The following PFKM variants were observed in gnomAD, a reference collection of about 807,000 sequenced individuals.
The protein encoded by PFKM is ATP-dependent 6-phosphofructokinase, muscle type.
In PFKM, 58 loss-of-function variants were observed where a neutral mutation model predicts 95.5. The observed-to-expected ratio is 0.61, with a 90% confidence interval of 0.49 to 0.76. The LOEUF (loss-of-function observed/expected upper bound fraction) is 0.76. PFKM is among the 30% of genes least tolerant of loss of function. The probability of loss-of-function intolerance (pLI) is 0.00; values close to 1 mark genes in which losing one functional copy is unlikely to be tolerated. For synonymous variants in PFKM, 336 were observed against 357.2 expected (o/e 0.94, Z 0.67); for missense variants, 678 against 1,005.4 (o/e 0.67, Z 4.40).
At chr12:48,119,349 C>G (rs1057097178), upstream of PFKM, 1 of 985,212 alleles carries the variant, frequency 1.0e-6, no homozygotes. Flanking sequence ...CACCCCTCCC[C>G]CCTTTCCCAA....
Position 48,145,554 on chromosome 12 carries a change from T to A in PFKM, c.2199-10T>A. The A allele has an allele frequency of 1.2e-6, 2 of 1,614,044 alleles. No homozygotes were observed. Among genetic ancestry groups the A allele is most frequent in the Non-Finnish European group, 1.7e-6 (2 of 1,179,928 alleles). ...AAGATTATATCATCATCTACCTCATTCCTCTGTAGGCATCGAATCCCCAAG... is the reference window on the plus strand; with the variant it reads ...AAGATTATATCATCATCTACCTCATACCTCTGTAGGCATCGAATCCCCAAG... On this transcript the variant is annotated splice_polypyrimidine_tract_variant and intron_variant, in intron 22 of 22. Coordinates refer to ENST00000359794, the MANE Select transcript of PFKM (RefSeq NM_000289.6). The surrounding 1 kb of genome is among the most constrained non-coding windows in gnomAD (Gnocchi z 4.3).
intron 1 of PFKM, 94 bp from the exon 2 acceptor site, chr12:48,122,673 C>T (rs997791847): frequency 6.3e-7 from 1 of 1,584,164 alleles, no homozygotes. Flanking sequence ...GAGAGCCTGA[C>T]TGAGGTGGCT....
chr12:48,106,964 G>A (rs950773655), intron 1 of PFKM, among the ~76,000 whole-genome samples: 2 of 152,172 alleles, frequency 1.3e-5, no homozygotes, highest in African/African-American at 2.4e-5. Flanking sequence ...GAACATAATG[G>A]GAAGAAATAT....
In PFKM at chr12:48,144,170, C is replaced by T. The variant is rs762927534; in HGVS notation, c.1992+13C>T. ...TCACATGCAGCAGGTAGGGAAGACA[C>T]CGTAGTCATGCCCTTCATCAGACAG... On this transcript the variant is annotated intron_variant, in intron 20 of 22. Coordinates refer to ENST00000359794, the MANE Select transcript of PFKM (RefSeq NM_000289.6). The T allele has an allele frequency of 6.5e-7, 1 of 1,536,516 alleles. No individual in the cohort carries two copies. Among genetic ancestry groups the T allele is most frequent in the East Asian group, 2.2e-5 (1 of 44,508 alleles).
chr12:48,139,589 G>A (rs1950405335), intron 12 of PFKM: 1 of 616,512 alleles, frequency 1.6e-6, no homozygotes, highest in Non-Finnish European at 2.9e-6. Flanking sequence ...GTGAGCCCCA[G>A]CAAGATGATA....
intron 20 of PFKM, 45 bp downstream of exon 20, chr12:48,144,202 C>A (rs778527114): frequency 2.3e-6 from 3 of 1,284,446 alleles, no homozygotes; most frequent in Admixed American, 3.4e-5. Flanking sequence ...ACAGCCATAC[C>A]TGCCAACAGC....
At chr12:48,126,583 C>T (rs1223530929) in intron 2 of PFKM, among the ~76,000 whole-genome samples, 2 of 152,266 alleles carry the variant, frequency 1.3e-5, no homozygotes, top group South Asian at 2.1e-4. Context: ...GTACTGAAAA[C>T]GTTCGGAGTC....
chr12:48,132,298 T>C, intron 4 of PFKM: 1 of 297,778 alleles, frequency 3.4e-6, no homozygotes, highest in South Asian at 3.1e-5. Context: ...AAGGCTTTCT[T>C]TACCTAGAGC....
chr12:48,143,317 T>G (rs1228182575), intron 18 of PFKM, among the ~76,000 whole-genome samples: 1 of 152,200 alleles, frequency 6.6e-6, no homozygotes, highest in Non-Finnish European at 1.5e-5. Context: ...GTTGAGAAAG[T>G]CAGTGATCTT....
At chr12:48,113,433 A>C (rs1947384212) in intron 3 of PFKM, among the ~76,000 whole-genome samples, 1 of 152,354 alleles carries the variant, frequency 6.6e-6, no homozygotes, top group Admixed American at 6.5e-5. Flanking sequence ...GGAGTCAGTC[A>C]GAGAGCCTTG....
chr12:48,123,987 A>T (rs1352516914), intron 2 of PFKM, among the ~76,000 whole-genome samples: 1 of 152,172 alleles, frequency 6.6e-6, no homozygotes, highest in East Asian at 1.9e-4. Flanking sequence ...CATCGTAAAT[A>T]CTCAATACAT....
chr12:48,106,084 C>CCCGGGAACCG, exon 1 of PFKM: 1 of 702,622 alleles, frequency 1.4e-6, no homozygotes, highest in South Asian at 1.5e-5. Flanking sequence ...GAACGCAAAA[C>CCCGGGAACCG]CCGGGAACCG....
At chr12:48,107,563 C>T (rs1946799129) in intron 2 of PFKM, 1 of 714,214 alleles carries the variant, frequency 1.4e-6, no homozygotes. Context: ...TTTTAGGGGT[C>T]AACTGACCTT....
chr12:48,108,195 G>C lies in PFKM; in HGVS notation c.205+1G>C. 6.3e-7 allele frequency: 1 copy of C among 1,597,606 alleles called. No individual in the cohort carries two copies. Among genetic ancestry groups the C allele is most frequent in the Non-Finnish European group, 8.5e-7 (1 of 1,178,796 alleles). ...GGAAGCATACCTGTTTTCAAAACTG[G>C]TGAGGCATGTGGGTCAACAGTGAGA... On this transcript the variant is annotated splice_donor_variant, in intron 3 of 24. Coordinates refer to the PFKM transcript ENST00000340802. LOFTEE classifies it high-confidence loss of function.
chr12:48,146,241 C>G lies in PFKM; in HGVS notation c.*533C>G, dbSNP rs1224109241. 6.1e-6 allele frequency: 1 copy of G among 162,988 alleles called. No individual in the cohort carries two copies. The highest frequency in any genetic ancestry group is 5.7e-5 in the Admixed American group (1 of 17,444). 10.1% of individuals were successfully genotyped at this position (162,988 alleles called of 1,614,324 possible). A position where few individuals can be genotyped will look rare whatever the true frequency, so the allele number is the denominator to read the frequency against. On this transcript the variant is annotated 3_prime_UTR_variant, in exon 23 of 23. Transcript: ENST00000359794. The stretch of plus-strand genomic sequence containing the variant: ...GGAGGAAGGGATTATCTCTAGTACA[C>G]TACTTGCTGGCTGTCTGAAAAATTG...
At chr12:48,133,228 G>A in intron 5 of PFKM, 87 bp from the exon 6 acceptor site, 4 of 1,348,862 alleles carry the variant, frequency 3.0e-6, no homozygotes, top group Non-Finnish European at 2.1e-6. Flanking sequence ...ATTCCTTTTG[G>A]CTAGAGTTTC....
intron 2 of PFKM, chr12:48,125,405 C>CG (rs1565868464): frequency 2.3e-6 from 1 of 425,976 alleles, no homozygotes; most frequent in Admixed American, 2.7e-5. Context: ...GCAGATCACC[C>CG]GAGGTTGGGA....
intron 9 of PFKM, 31 bp from the exon 10 acceptor site, chr12:48,135,248 ACTCTGCGTAACC>A (rs754402218): frequency 4.6e-6 from 7 of 1,508,020 alleles, no homozygotes; most frequent in African/African-American, 1.4e-5. Flanking sequence ...TCTTCCTTTG[ACTCTGCGTAACC>A]CTCTCTCTGT....
intron 1 of PFKM, chr12:48,106,366 C>A (rs1193264041): frequency 4.1e-6 from 2 of 483,404 alleles, no homozygotes; most frequent in Non-Finnish European, 7.3e-6. Context: ...CCCTTACCCG[C>A]CGCCTTCTGG....
Sources: gnomAD v4.1 joint callset for allele counts (sites outside exome capture counted in the v4.1 genomes callset) on GRCh38, gnomAD v4.1.1 for gene constraint, Gnocchi (gnomAD v3.1) non-coding constraint, MANE v1.5 for transcripts, NCBI Gene and HGNC (gene_info 2026-07-23, HGNC 2026-07-21) for gene names.